ZBTB16: variants seen among roughly 807,000 people sequenced by gnomAD.
ZBTB16 encodes zinc finger and BTB domain containing 16.
Under a neutral mutation model 56.8 loss-of-function variants are expected in ZBTB16, and 8 were observed. The ratio of observed to expected loss-of-function variants is 0.14; its 90% CI spans 0.08 to 0.25. ZBTB16 has a LOEUF of 0.25. ZBTB16 is among the 10% of genes least tolerant of loss of function. The pLI is 1.00. For missense variants in ZBTB16, 625 were observed against 903.0 expected (o/e 0.69, Z 3.95); for synonymous variants, 363 against 368.5 (o/e 0.98, Z 0.17).
At chr11:114,136,308 C>G (rs1002069611) in intron 2 of ZBTB16, among the ~76,000 whole-genome samples, 14 of 152,184 alleles carry the variant, frequency 9.2e-5, no homozygotes, top group Non-Finnish European at 2.9e-5. Context: ...GCTGAGGGTG[C>G]TCTATGGGGG....
At chr11:114,197,432 C>G (rs555497274) in intron 4 of ZBTB16, among the ~76,000 whole-genome samples, 2 of 152,114 alleles carry the variant, frequency 1.3e-5, no homozygotes, top group South Asian at 4.1e-4. Flanking sequence ...TGTCTTCCCC[C>G]CACTCTCTGT....
chr11:114,200,910 A>G (rs550716262), intron 4 of ZBTB16, among the ~76,000 whole-genome samples: 7 of 152,256 alleles, frequency 4.6e-5, no homozygotes, highest in Admixed American at 1.3e-4. Context: ...AAAGGCCATA[A>G]ATTGCCTTGT....
At chr11:114,085,148 A>G (rs1939914231) in intron 2 of ZBTB16, among the ~76,000 whole-genome samples, 1 of 152,250 alleles carries the variant, frequency 6.6e-6, no homozygotes, top group Non-Finnish European at 1.5e-5. Flanking sequence ...TGTGGCCCAC[A>G]GCAAGTAGTA....
At chr11:114,161,338 T>C (rs913096774) in intron 3 of ZBTB16, among the ~76,000 whole-genome samples, 2 of 152,168 alleles carry the variant, frequency 1.3e-5, no homozygotes, top group Non-Finnish European at 2.9e-5. Context: ...GGGAGTGTCA[T>C]TCATTTTTGG....
At chr11:114,236,905 T>C (rs886795004) in intron 4 of ZBTB16, among the ~76,000 whole-genome samples, 1 of 152,212 alleles carries the variant, frequency 6.6e-6, no homozygotes, top group Non-Finnish European at 1.5e-5. Flanking sequence ...ACAACAGAGC[T>C]CAGAGGAAGA....
chr11:114,250,648 A>AT lies in ZBTB16; in HGVS notation c.*93_*94insT. The AT allele has an allele frequency of 8.8e-6, 12 of 1,368,178 alleles. No individual in the cohort carries two copies. Among genetic ancestry groups the AT allele is most frequent in the Non-Finnish European group, 1.1e-5 (11 of 994,746 alleles). The allele number at this position is 1,368,178 out of a possible 1,614,324, so 84.8% of individuals were successfully genotyped here. ...GGACTATGACAAATAAAAAAGGAAA[A>AT]GAAAAAAAAAAACAGAAGGAAAAGG... On this transcript the variant is annotated 3_prime_UTR_variant, in exon 7 of 7. Coordinates refer to ENST00000335953, the MANE Select transcript of ZBTB16 (RefSeq NM_006006.6). This position sits in a 1 kb window ranked among gnomAD's most constrained non-coding sequence, Gnocchi z 6.0.
intron 4 of ZBTB16, among the ~76,000 whole-genome samples, chr11:114,198,716 A>C (rs1291411175): frequency 6.6e-6 from 1 of 152,198 alleles, no homozygotes; most frequent in African/African-American, 2.4e-5. Flanking sequence ...CATGGGTGGT[A>C]CATTTGTTAC....
intron 3 of ZBTB16, among the ~76,000 whole-genome samples, chr11:114,181,344 T>A (rs185135361): frequency 6.6e-6 from 1 of 152,328 alleles, no homozygotes; most frequent in Non-Finnish European, 1.5e-5. Flanking sequence ...ATTTTACAGC[T>A]GAGGCAACAG....
At position 114,060,595 on chromosome 11, in the gene ZBTB16, G is replaced by C. The variant is rs1227730494; in HGVS notation, c.-91+713G>C. ...TCCCGGCCGCTCTCGGTGGGTGCCG[G>C]TCTCTGCACCTGATGCGTTCGGGAT... On this transcript the variant is annotated intron_variant, in intron 1 of 6. Transcript: ENST00000335953. This position sits in a 1 kb window ranked among gnomAD's most constrained non-coding sequence, Gnocchi z 6.0. 7.7e-6 allele frequency: 1 copy of C among 130,270 alleles called. No homozygotes were observed. Among genetic ancestry groups the C allele is most frequent in the East Asian group, 2.3e-4 (1 of 4,336 alleles). 8.1% of individuals were successfully genotyped at this position (130,270 alleles called of 1,614,324 possible). A position where few individuals can be genotyped will look rare whatever the true frequency, so the allele number is the denominator to read the frequency against.
At chr11:114,247,623 C>T (rs1250026700) in intron 6 of ZBTB16, among the ~76,000 whole-genome samples, 1 of 152,176 alleles carries the variant, frequency 6.6e-6, no homozygotes, top group Non-Finnish European at 1.5e-5. Flanking sequence ...CATCAGCCCT[C>T]CAGGCAGCTA....
chr11:114,252,415 T>G lies in ZBTB16; in HGVS notation c.*1860T>G. 6.6e-6 allele frequency among the ~76,000 whole-genome samples: 1 copy of G among 151,750 alleles called. No homozygotes were observed. The highest frequency in any genetic ancestry group is 2.1e-4 in the South Asian group (1 of 4,806). ...GGGATCCAGCCTTTGTTTTGTTGTGTTGGGGTGGGGGTGTTGTTTTTCTAA... is the reference window on the plus strand; with the variant it reads ...GGGATCCAGCCTTTGTTTTGTTGTGGTGGGGTGGGGGTGTTGTTTTTCTAA... On this transcript the variant is annotated 3_prime_UTR_variant, in exon 7 of 7. Coordinates refer to ENST00000335953, the MANE Select transcript of ZBTB16 (RefSeq NM_006006.6).
At chr11:114,243,667 C>T (rs753622685) in intron 5 of ZBTB16, among the ~76,000 whole-genome samples, 2 of 152,218 alleles carry the variant, frequency 1.3e-5, no homozygotes, top group Non-Finnish European at 2.9e-5. Flanking sequence ...GTAAGCATTT[C>T]CCCTGCAGCT....
chr11:114,212,620 G>C (rs1944019152), intron 4 of ZBTB16, among the ~76,000 whole-genome samples: 1 of 152,232 alleles, frequency 6.6e-6, no homozygotes, highest in Non-Finnish European at 1.5e-5. Context: ...CTGATTCTCT[G>C]TATTTCCTAG....
At chr11:114,163,338 T>A (rs1942647591) in intron 3 of ZBTB16, among the ~76,000 whole-genome samples, 2 of 152,094 alleles carry the variant, frequency 1.3e-5, no homozygotes, top group African/African-American at 2.4e-5. Flanking sequence ...AGAGTATTTT[T>A]CCCCTTTACC....
chr11:114,099,816 C>T (rs971142700), intron 2 of ZBTB16, among the ~76,000 whole-genome samples: 2 of 152,222 alleles, frequency 1.3e-5, no homozygotes, highest in Non-Finnish European at 2.9e-5. Context: ...CATTTCCAAA[C>T]ACATTGCGCT....
Position 114,250,015 on chromosome 11 carries a change from TG to T in ZBTB16, c.1793-308del, listed in dbSNP as rs1435199794. ...TTAGAAAGGGAAAAGACTGTGGCCT[TG>T]GGAGAGTTAAGAATAGTAAGACAAG... On this transcript the variant is annotated intron_variant, in intron 6 of 6. Coordinates refer to ENST00000335953, the MANE Select transcript of ZBTB16 (RefSeq NM_006006.6). The surrounding 1 kb of genome is among the most constrained non-coding windows in gnomAD (Gnocchi z 6.0). 1.3e-5 allele frequency among the ~76,000 whole-genome samples: 2 copies of T among 152,258 alleles called. No individual in the cohort carries two copies. The highest frequency in any genetic ancestry group is 2.4e-5 in the African/African-American group (1 of 41,546).
chr11:114,187,504 A>C, intron 4 of ZBTB16: 1 of 221,784 alleles, frequency 4.5e-6, no homozygotes, highest in Non-Finnish European at 9.3e-6. Context: ...GATGCATTTG[A>C]ACAATATTAA....
chr11:114,070,211 C>T (rs7938275), intron 2 of ZBTB16, among the ~76,000 whole-genome samples: 4,354 of 149,362 alleles, frequency 0.029, 216 homozygotes, highest in African/African-American at 0.1. Flanking sequence ...CGGGTTCACG[C>T]CATTCTCCTG....
At chr11:114,120,156 T>C (rs1941300860) in intron 2 of ZBTB16, among the ~76,000 whole-genome samples, 1 of 152,168 alleles carries the variant, frequency 6.6e-6, no homozygotes, top group Non-Finnish European at 1.5e-5. Flanking sequence ...GGACTCTACC[T>C]TCGATCACTT....
Sources: allele counts gnomAD v4.1 joint callset (sites outside exome capture counted in the v4.1 genomes callset), GRCh38; gene constraint gnomAD v4.1.1; non-coding constraint Gnocchi (gnomAD v3.1); transcripts MANE v1.5; gene names NCBI Gene and HGNC (gene_info 2026-07-23, HGNC 2026-07-21).